The following CCDC40 variants were observed in gnomAD, a reference collection of about 807,000 sequenced individuals.
CCDC40 encodes the protein coiled-coil domain-containing protein 40.
Under a neutral mutation model 124.5 loss-of-function variants are expected in CCDC40, and 104 were observed. That is an observed-to-expected ratio of 0.84 (90% CI 0.71 to 0.98). The LOEUF is 0.98. Ranked by LOEUF, CCDC40 falls within the 50% of genes least tolerant of loss-of-function variation. The probability of loss-of-function intolerance (pLI) is 0.00; values close to 1 mark genes in which losing one functional copy is unlikely to be tolerated. For missense variants in CCDC40, 1,463 were observed against 1,503.9 expected (o/e 0.97, Z 0.45); for synonymous variants, 580 against 602.9 (o/e 0.96, Z 0.56).
At chr17:80,047,847 C>A (rs1184966610) in intron 4 of CCDC40, among the ~76,000 whole-genome samples, 1 of 152,186 alleles carries the variant, frequency 6.6e-6, no homozygotes, top group African/African-American at 2.4e-5. Context: ...CTTACGTAGT[C>A]CCAGTATCCC....
Position 80,081,824 on chromosome 17 carries a change from C to T in CCDC40, c.1806+35C>T, listed in dbSNP as rs748784362. The T allele has an allele frequency of 3.4e-5, 55 of 1,613,758 alleles. 1 individual carries two copies. The highest frequency in any genetic ancestry group is 8.8e-5 in the South Asian group (8 of 91,072). Reference sequence around the variant, plus strand: ...GGCCCGCCCCACAGGTCACACCTGGCGCACGGTGGTGCCTCTTCAGGCACG... The same window carrying T: ...GGCCCGCCCCACAGGTCACACCTGGTGCACGGTGGTGCCTCTTCAGGCACG... On this transcript the variant is annotated intron_variant, in intron 11 of 19. Coordinates refer to ENST00000397545, the MANE Select transcript of CCDC40 (RefSeq NM_017950.4).
At chr17:80,044,495 C>G (rs575700878) in intron 3 of CCDC40, among the ~76,000 whole-genome samples, 1 of 152,064 alleles carries the variant, frequency 6.6e-6, no homozygotes, top group African/African-American at 2.4e-5. Flanking sequence ...ACCAGCTTAA[C>G]CAACATGGCG....
chr17:80,048,817 G>C (rs960442446), intron 5 of CCDC40, 56 bp downstream of exon 5: 1 of 1,484,334 alleles, frequency 6.7e-7, no homozygotes, highest in African/African-American at 1.4e-5. Context: ...AATGACTCAG[G>C]CCCCTTTCTC....
Position 80,069,579 on chromosome 17 carries a change from G to A in CCDC40, c.1562+3973G>A, listed in dbSNP as rs796149538. On this transcript the variant is annotated intron_variant, in intron 10 of 19. Coordinates refer to ENST00000397545, the MANE Select transcript of CCDC40 (RefSeq NM_017950.4). ...ATCTTGGCTAACATGGTGAAACCCC[G>A]TCTCTACTAAAAATACAAAAAAACA... 5.3e-5 allele frequency among the ~76,000 whole-genome samples: 8 copies of A among 152,102 alleles called. 1 individual carries two copies. Among genetic ancestry groups the A allele is most frequent in the South Asian group, 2.1e-4 (1 of 4,816 alleles).
At chr17:80,093,606 G>A (rs939337066) in intron 17 of CCDC40, among the ~76,000 whole-genome samples, 8 of 149,956 alleles carry the variant, frequency 5.3e-5, no homozygotes, top group East Asian at 2.0e-4. Context: ...TCTGCCTCCC[G>A]GGGTTCAAGT....
chr17:80,038,557 T>G (rs113041985), intron 2 of CCDC40, among the ~76,000 whole-genome samples: 118 of 151,644 alleles, frequency 7.8e-4, no homozygotes, highest in Non-Finnish European at 1.5e-3. Context: ...CCGGGCACGG[T>G]GACTCACGCC....
At chr17:80,049,820 G>A in intron 5 of CCDC40, 86 bp from the exon 6 acceptor site, 1 of 1,116,218 alleles carries the variant, frequency 9.0e-7, no homozygotes, top group Non-Finnish European at 1.4e-6. Context: ...CCACCGGAGG[G>A]AGACCTGTGG....
chr17:80,060,843 T>C (rs546890612), intron 9 of CCDC40, among the ~76,000 whole-genome samples: 6 of 152,346 alleles, frequency 3.9e-5, no homozygotes, highest in Admixed American at 1.3e-4. Flanking sequence ...TAATGAATTA[T>C]GCATCCAATG....
rs564228346 is a variant in CCDC40, at chr17:80,086,005, G to A, written c.2238G>A (p.Gly746=). 3 of 1,613,916 alleles carry A rather than the reference G, an allele frequency of 1.9e-6. No homozygotes were observed. In the East Asian group the frequency reaches 6.7e-5, roughly 36 times the overall value. ...TTTTTGATGAATATCCGGTCTAGGG[G>A]GAAGAAGTGGGGCCCCTGGAGCTTG... ...QLERMVSELG[G]EEVGPLELEI... The change falls in exon 14 of 20, where the codon GGG becomes GGA. Residue 746 remains glycine, a splice_region_variant and synonymous_variant. Transcript: ENST00000397545. The surrounding 1 kb of genome is among the most constrained non-coding windows in gnomAD (Gnocchi z 5.5).
At chr17:80,061,709 G>A (rs575397807) in intron 9 of CCDC40, among the ~76,000 whole-genome samples, 1 of 152,362 alleles carries the variant, frequency 6.6e-6, no homozygotes, top group Admixed American at 6.5e-5. Context: ...GAAGTCACAA[G>A]TAACCAAAGG....
At chr17:80,039,668 C>G in intron 2 of CCDC40, 144 bp from the exon 3 acceptor site, 1 of 1,102,414 alleles carries the variant, frequency 9.1e-7, no homozygotes, top group Non-Finnish European at 1.3e-6. Context: ...CCTCAGCCTC[C>G]CAAAGTGAAA....
rs780837572 is a variant in CCDC40, at chr17:80,050,002, C to G, written c.939+13C>G. 2 of 1,613,822 alleles carry G rather than the reference C, an allele frequency of 1.2e-6. No homozygotes were observed. Among genetic ancestry groups the G allele is most frequent in the Non-Finnish European group, 8.5e-7 (1 of 1,179,764 alleles). The stretch of plus-strand genomic sequence containing the variant: ...CCTCCAAGAGCTGGTGTGTATCCGT[C>G]CAGTCTCCCACCCTGGTCGGATGCC... On this transcript the variant is annotated intron_variant, in intron 6 of 19. Coordinates refer to ENST00000397545, the MANE Select transcript of CCDC40 (RefSeq NM_017950.4).
intron 17 of CCDC40, among the ~76,000 whole-genome samples, chr17:80,091,043 C>G (rs2038713053): frequency 6.6e-6 from 1 of 152,230 alleles, no homozygotes; most frequent in Admixed American, 6.5e-5. Context: ...GCCAGGGCGA[C>G]TGTGTCAGCC....
chr17:80,064,498 G>A (rs1233791869), intron 9 of CCDC40, among the ~76,000 whole-genome samples: 1 of 151,986 alleles, frequency 6.6e-6, no homozygotes. Flanking sequence ...CAGCCCCGGG[G>A]TCGCTCCTGT....
At chr17:80,090,893 C>G (rs1250964910) in intron 17 of CCDC40, 1 of 841,212 alleles carries the variant, frequency 1.2e-6, no homozygotes, top group African/African-American at 1.8e-5. Context: ...TTTAAAAATA[C>G]CAAATTTAAT....
Position 80,084,872 on chromosome 17 carries a change from G to A in CCDC40, c.2119G>A (p.Glu707Lys), listed in dbSNP as rs966389543. 18 of 1,614,010 alleles carry A rather than the reference G, an allele frequency of 1.1e-5. No homozygotes were observed. In the African/African-American group the frequency reaches 1.2e-4, roughly 11 times the overall value. ...ELDQDVKKVN[E>K]LITNSQSEIS... ...GGACCAGGACGTGAAGAAAGTCAAC[G>A]AGCTCATCACCAACAGCCAGAGCGA... Residue 707 changes from glutamate (E) to lysine (K), a missense_variant, in exon 13 of 20, where the codon GAG becomes AAG. Coordinates refer to ENST00000397545, the MANE Select transcript of CCDC40 (RefSeq NM_017950.4).
chr17:80,055,244 A>G (rs1351742086), intron 7 of CCDC40, among the ~76,000 whole-genome samples: 2 of 152,294 alleles, frequency 1.3e-5, no homozygotes, highest in East Asian at 3.9e-4. Context: ...AAAGAAAACA[A>G]GAGAAAGAAA....
intron 7 of CCDC40, among the ~76,000 whole-genome samples, chr17:80,052,149 T>G (rs941748571): frequency 3.9e-5 from 6 of 152,136 alleles, no homozygotes; most frequent in African/African-American, 1.4e-4. Flanking sequence ...GAGACTGTAT[T>G]AGGGTTGTCT....
At chr17:80,045,247 T>C (rs558918200) in intron 3 of CCDC40, among the ~76,000 whole-genome samples, 33 of 152,276 alleles carry the variant, frequency 2.2e-4, no homozygotes, top group African/African-American at 7.9e-4. Context: ...CAGAAATGAC[T>C]AGAACCTGAC....
Sources: allele counts gnomAD v4.1 joint callset (sites outside exome capture counted in the v4.1 genomes callset), GRCh38; gene constraint gnomAD v4.1.1; non-coding constraint Gnocchi (gnomAD v3.1); transcripts MANE v1.5; gene names NCBI Gene and HGNC (gene_info 2026-07-23, HGNC 2026-07-21).